CHKA: variants seen among roughly 807,000 people sequenced by gnomAD.
The protein encoded by CHKA is CHETK-alpha.
CHKA carries 34 observed loss-of-function variants against 60.1 expected under a neutral mutation model. The observed-to-expected ratio is 0.57, with a 90% CI of 0.43 to 0.75. The LOEUF is 0.75. CHKA is among the 30% of genes least tolerant of loss of function. The pLI, the probability that CHKA is intolerant of heterozygous loss-of-function variation, is 0.00. For synonymous variants in CHKA, 217 were observed against 223.1 expected (o/e 0.97, Z 0.24); for missense variants, 563 against 561.3 (o/e 1.00, Z -0.03).
At chr11:68,079,369 G>A (rs576973666) in intron 3 of CHKA, among the ~76,000 whole-genome samples, 7 of 151,566 alleles carry the variant, frequency 4.6e-5, no homozygotes, top group African/African-American at 9.7e-5. Flanking sequence ...TCGCACTGTC[G>A]CCCAGGCTGG....
At chr11:68,107,994 G>A (rs544763781) in intron 1 of CHKA, among the ~76,000 whole-genome samples, 3 of 152,308 alleles carry the variant, frequency 2.0e-5, no homozygotes, top group African/African-American at 7.2e-5. Context: ...GCAGCAGAAC[G>A]AGGAGATTCC....
intron 1 of CHKA, among the ~76,000 whole-genome samples, chr11:68,101,538 A>C (rs910586693): frequency 5.9e-5 from 9 of 152,170 alleles, no homozygotes; most frequent in African/African-American, 1.9e-4. Flanking sequence ...TGGGAAGATC[A>C]CTTGAGCCCA....
intron 2 of CHKA, among the ~76,000 whole-genome samples, chr11:68,090,371 C>T (rs1857312274): frequency 6.6e-6 from 1 of 152,116 alleles, no homozygotes; most frequent in African/African-American, 2.4e-5. Context: ...ATGATCCTAA[C>T]ACAATGAGGA....
Position 68,103,743 on chromosome 11 carries a change from C to G in CHKA, c.351-6613G>C, listed in dbSNP as rs915154640. Among the ~76,000 whole-genome samples, 5 of 151,832 alleles carry G rather than the reference C, an allele frequency of 3.3e-5. No individual in the cohort carries two copies. In the South Asian group the frequency reaches 1.0e-3, roughly 32 times the overall value. ...CCTGGCCAACATGGTGAAACTCTGT[C>G]TCTATTAAAAAAACAAAAAAATTAG... On this transcript the variant is annotated intron_variant, in intron 1 of 11. Transcript: ENST00000265689.
chr11:68,088,110 CAAAAAAAAAAAA>C (rs55932145), intron 2 of CHKA, among the ~76,000 whole-genome samples: 8 of 71,242 alleles, frequency 1.1e-4, no homozygotes, highest in Admixed American at 2.0e-4. Flanking sequence ...GAGGCTGTCT[CAAAAAAAAAAAA>C]AAAAAAAAAA....
At chr11:68,104,237 A>G (rs1468839526) in intron 1 of CHKA, among the ~76,000 whole-genome samples, 1 of 152,212 alleles carries the variant, frequency 6.6e-6, no homozygotes, top group Non-Finnish European at 1.5e-5. Context: ...AGTCAGGCAC[A>G]GAAAGACAGT....
intron 7 of CHKA, among the ~76,000 whole-genome samples, chr11:68,067,467 C>T (rs1023329929): frequency 5.9e-5 from 9 of 151,924 alleles, no homozygotes; most frequent in Admixed American, 2.6e-4. Flanking sequence ...TAGTGGTGTG[C>T]GCCTGTGATC....
intron 2 of CHKA, among the ~76,000 whole-genome samples, chr11:68,089,625 AT>A (rs1857289487): frequency 6.6e-6 from 1 of 152,240 alleles, no homozygotes; most frequent in African/African-American, 2.4e-5. Context: ...GACAAAAAAA[AT>A]AAGTGATATA....
In CHKA at chr11:68,062,018, G is replaced by T; in HGVS notation, c.1249C>A (p.His417Asn). The T allele has an allele frequency of 6.3e-7, 1 of 1,593,720 alleles. No individual in the cohort carries two copies. Among genetic ancestry groups the T allele is most frequent in the South Asian group, 1.1e-5 (1 of 87,564 alleles). Reference protein sequence around the residue: ...LEVNRFALASHFLWGLWSIVQ... With the variant: ...LEVNRFALASNFLWGLWSIVQ... ...ATGGACCACAGTCCCCAGAGGAAATGAGATGCAAGGGCAAACCTGGAATGA... is the reference window on the plus strand; with the variant it reads ...ATGGACCACAGTCCCCAGAGGAAATTAGATGCAAGGGCAAACCTGGAATGA... The change falls in exon 11 of 12, where the codon CAT (histidine) becomes AAT (asparagine). Residue 417 changes from histidine to asparagine, a missense_variant. Transcript: ENST00000265689.
At chr11:68,094,273 G>A (rs1293810301) in intron 2 of CHKA, among the ~76,000 whole-genome samples, 1 of 152,234 alleles carries the variant, frequency 6.6e-6, no homozygotes, top group East Asian at 1.9e-4. Flanking sequence ...CAAGTGCAGT[G>A]GTTCATGCCT....
rs1180679460 is a variant in CHKA at position 68,053,183 on chromosome 11, AG to A, written c.*804del. 6.3e-6 allele frequency: 1 copy of A among 157,554 alleles called. No individual in the cohort carries two copies. The highest frequency in any genetic ancestry group is 1.4e-5 in the Non-Finnish European group (1 of 70,860). 9.8% of individuals were successfully genotyped at this position (157,554 alleles called of 1,614,324 possible). ...CTCCAGGCAGAGCAGAGGGCAGGAG[AG>A]GCCCAAAGAGCTAGGTCAAGCAGCT... On this transcript the variant is annotated 3_prime_UTR_variant, in exon 12 of 12. Transcript: ENST00000265689.
In CHKA at chr11:68,121,017, G is replaced by A. The variant is rs1195197083; in HGVS notation, c.161C>T (p.Pro54Leu). The change falls in exon 1 of 12, where the codon CCG becomes CTG. Residue 54 changes from proline (P) to leucine (L), a missense_variant. Physicochemically the swap from Pro to Leu is moderately conservative, Grantham distance 98. Coordinates refer to ENST00000265689, the MANE Select transcript of CHKA (RefSeq NM_001277.3). Reference sequence around the variant, plus strand: ...CGGCGGCGGAGGGGGCAGCGCGAGCGGCGGCTGTTGGCCGCCCAGCTGCTT... The same window carrying A: ...CGGCGGCGGAGGGGGCAGCGCGAGCAGCGGCTGTTGGCCGCCCAGCTGCTT... ...ESKQLGGQQP[P>L]LALPPPPPLP... is the part of the protein sequence containing the mutation. The A allele has an allele frequency of 5.4e-6, 6 of 1,109,352 alleles. No homozygotes were observed. Among genetic ancestry groups the A allele is most frequent in the Non-Finnish European group, 6.6e-6 (6 of 910,530 alleles). The allele number at this position is 1,109,352 out of a possible 1,614,324, so 68.7% of individuals were successfully genotyped here.
At chr11:68,098,392 T>A (rs1014843688) in intron 1 of CHKA, among the ~76,000 whole-genome samples, 2 of 151,770 alleles carry the variant, frequency 1.3e-5, no homozygotes, top group Admixed American at 1.3e-4. Flanking sequence ...GACACAAACA[T>A]CTCCATGTCC....
intron 2 of CHKA, among the ~76,000 whole-genome samples, chr11:68,086,400 G>A (rs778658869): frequency 1.3e-4 from 20 of 152,162 alleles, no homozygotes; most frequent in Non-Finnish European, 2.8e-4. Context: ...TGTATTTTGT[G>A]TTATATGATT....
chr11:68,099,062 AAAG>A (rs2153024707), intron 1 of CHKA, among the ~76,000 whole-genome samples: 1 of 152,342 alleles, frequency 6.6e-6, no homozygotes, highest in African/African-American at 2.4e-5. Context: ...ATGCTAAGTG[AAAG>A]AAGACAGTCA....
At chr11:68,112,494 A>G (rs1045772655) in intron 1 of CHKA, among the ~76,000 whole-genome samples, 2 of 152,208 alleles carry the variant, frequency 1.3e-5, no homozygotes, top group Non-Finnish European at 2.9e-5. Flanking sequence ...TCCTGACCTC[A>G]GGTGATCCAC....
At position 68,053,610 on chromosome 11, in the gene CHKA, C is replaced by G. The variant is rs563728657; in HGVS notation, c.*378G>C. On this transcript the variant is annotated 3_prime_UTR_variant, in exon 12 of 12. Coordinates refer to ENST00000265689, the MANE Select transcript of CHKA (RefSeq NM_001277.3). ...TGGTCACAGTGTTCACCAGCACATT[C>G]ATGAAAATTTAAATCAACATTAACC... is the stretch of plus-strand genomic sequence containing the variant. 1.5e-5 allele frequency: 3 copies of G among 205,204 alleles called. No homozygotes were observed. Among genetic ancestry groups the G allele is most frequent in the African/African-American group, 7.0e-5 (3 of 43,034 alleles). The allele number at this position is 205,204 out of a possible 1,614,324, so 12.7% of individuals were successfully genotyped here. A position where few individuals can be genotyped will look rare whatever the true frequency, so the allele number is the denominator to read the frequency against.
At chr11:68,108,863 A>T (rs758020948) in intron 1 of CHKA, among the ~76,000 whole-genome samples, 2 of 152,222 alleles carry the variant, frequency 1.3e-5, no homozygotes, top group Non-Finnish European at 2.9e-5. Flanking sequence ...GCACTAGGGT[A>T]GGAAAACCTT....
chr11:68,109,023 G>GA (rs61353976), intron 1 of CHKA, among the ~76,000 whole-genome samples: 5 of 150,140 alleles, frequency 3.3e-5, no homozygotes, highest in Non-Finnish European at 7.4e-5. Context: ...CTGAGGGGGG[G>GA]AAAAAATCCC....
Sources: gnomAD v4.1 joint callset for allele counts (sites outside exome capture counted in the v4.1 genomes callset) on GRCh38, gnomAD v4.1.1 for gene constraint, MANE v1.5 for transcripts, NCBI Gene and HGNC (gene_info 2026-07-23, HGNC 2026-07-21) for gene names.